PCGF3: variants seen among roughly 807,000 people sequenced by gnomAD.
PCGF3 encodes polycomb group ring finger 3.
PCGF3 carries 7 observed loss-of-function variants against 33.1 expected under a neutral mutation model. The observed-to-expected ratio is 0.21, with a 90% CI of 0.12 to 0.40. The LOEUF (loss-of-function observed/expected upper bound fraction) is 0.40, where lower values mean the gene tolerates loss of function less well. PCGF3 is among the 10% of genes least tolerant of loss of function. The pLI is 1.00. For synonymous variants in PCGF3, 153 were observed against 121.3 expected, an observed-to-expected ratio of 1.26 and a Z score of -1.72; for missense variants, 211 against 313.3, an observed-to-expected ratio of 0.67 and a Z score of 2.46.
intron 8 of PCGF3, among the ~76,000 whole-genome samples, chr4:750,287 T>G (rs749876225): frequency 1.3e-5 from 2 of 152,242 alleles, no homozygotes; most frequent in Non-Finnish European, 2.9e-5. Context: ...TTGGGTTCCA[T>G]CCACTCCTCT....
At chr4:760,215 C>A (rs1234708115) in intron 8 of PCGF3, among the ~76,000 whole-genome samples, 1 of 152,196 alleles carries the variant, frequency 6.6e-6, no homozygotes. Context: ...GACTGCCCTT[C>A]ACTGTTGTGG....
chr4:716,995 G>T (rs867186404), intron 1 of PCGF3, among the ~76,000 whole-genome samples: 171 of 60,656 alleles, frequency 2.8e-3, no homozygotes, highest in Admixed American at 7.6e-3. Flanking sequence ...AGACACTGAG[G>T]GTGAGAACTG....
At chr4:764,681 G>A (rs780718352) in intron 9 of PCGF3, 2 of 311,790 alleles carry the variant, frequency 6.4e-6, no homozygotes, top group Non-Finnish European at 1.2e-5. Flanking sequence ...CCACTGCAAG[G>A]AGCTTGTGCC....
intron 3 of PCGF3, among the ~76,000 whole-genome samples, chr4:733,425 C>G (rs898258410): frequency 2.6e-5 from 4 of 152,196 alleles, no homozygotes; most frequent in African/African-American, 7.2e-5. Context: ...GTGTTGGGCA[C>G]AGAGAGAAGC....
intron 7 of PCGF3, among the ~76,000 whole-genome samples, chr4:744,187 C>T (rs980617893): frequency 2.0e-5 from 3 of 152,176 alleles, no homozygotes; most frequent in Non-Finnish European, 2.9e-5. Flanking sequence ...CTGTCAGAAC[C>T]CTTTTACCTG....
rs180711823 is a variant in PCGF3, at chr4:736,167, C to T, written c.206+1140C>T. 4.0e-3 allele frequency among the ~76,000 whole-genome samples: 606 copies of T among 152,218 alleles called. 1 individual carries two copies. Among genetic ancestry groups the T allele is most frequent in the Non-Finnish European group, 6.4e-3 (436 of 68,014 alleles). ...GGTTCAAGTGATTCTCCTGCCTCAG[C>T]CTCCCGAGTAGCTGGAATTACAGGC... On this transcript the variant is annotated intron_variant, in intron 5 of 10. Transcript: ENST00000362003.
At chr4:730,226 G>A (rs1023678771) in intron 1 of PCGF3, among the ~76,000 whole-genome samples, 1 of 152,232 alleles carries the variant, frequency 6.6e-6, no homozygotes, top group Non-Finnish European at 1.5e-5. Flanking sequence ...TCTTGGCTGC[G>A]TCGTGGAGCC....
intron 1 of PCGF3, among the ~76,000 whole-genome samples, chr4:711,713 TC>T (rs933299561): frequency 2.0e-5 from 3 of 151,862 alleles, no homozygotes; most frequent in African/African-American, 7.3e-5. Context: ...CGCCTCGGCC[TC>T]CCAAAGTGCT....
chr4:739,447 C>T (rs1335969489), intron 6 of PCGF3, among the ~76,000 whole-genome samples: 2 of 152,358 alleles, frequency 1.3e-5, no homozygotes, highest in Non-Finnish European at 2.9e-5. Flanking sequence ...CTGCCTTGGC[C>T]TCCCAAAGTG....
intron 1 of PCGF3, among the ~76,000 whole-genome samples, chr4:728,485 G>C (rs576059662): frequency 6.6e-6 from 1 of 152,268 alleles, no homozygotes; most frequent in African/African-American, 2.4e-5. Context: ...GAGCGCGTTG[G>C]GGGGCAGCGT....
At chr4:765,741 G>A (rs1057198487) in intron 10 of PCGF3, among the ~76,000 whole-genome samples, 1 of 152,174 alleles carries the variant, frequency 6.6e-6, no homozygotes, top group African/African-American at 2.4e-5. Context: ...GGGAGAAGGG[G>A]GCAGGGGAGT....
chr4:736,529 T>C (rs111864507), intron 5 of PCGF3, among the ~76,000 whole-genome samples: 21,191 of 65,172 alleles, frequency 0.33, 2,314 homozygotes, highest in Middle Eastern at 0.37. Flanking sequence ...CCTGAGCGCA[T>C]AGGATGCAGG....
chr4:766,023 G>A lies in PCGF3; in HGVS notation c.682-9G>A. On this transcript the variant is annotated splice_polypyrimidine_tract_variant and intron_variant, in intron 10 of 10. Coordinates refer to ENST00000362003, the Ensembl canonical transcript of PCGF3. The stretch of plus-strand genomic sequence containing the variant: ...CTAAGCAGGCACTGTGCGTTCTTGT[G>A]TCTTCCAGAAGGCGCCGCTCCTGCT... 1 of 1,613,924 alleles carries A rather than the reference G, an allele frequency of 6.2e-7. No homozygotes were observed. The highest frequency in any genetic ancestry group is 8.5e-7 in the Non-Finnish European group (1 of 1,179,808).
Position 730,871 on chromosome 4 carries a change from C to T in PCGF3, c.-150-99C>T, listed in dbSNP as rs551656209. On this transcript the variant is annotated intron_variant, in intron 2 of 10. Coordinates refer to ENST00000362003, the Ensembl canonical transcript of PCGF3. ...GATTGACCCCATTCCGCCCTTTGCT[C>T]GGTAGGGCTTGGTTGCAAGTTCCAG... 80 of 396,666 alleles carry T rather than the reference C, an allele frequency of 2.0e-4. 1 individual carries two copies. In the East Asian group the frequency reaches 2.5e-3, roughly 12 times the overall value. The allele number at this position is 396,666 out of a possible 1,614,324, so 24.6% of individuals were successfully genotyped here. A position where few individuals can be genotyped will look rare whatever the true frequency, so the allele number is the denominator to read the frequency against.
Position 737,309 on chromosome 4 carries a change from C to G in PCGF3, c.207-157C>G, listed in dbSNP as rs900111194. ...ACGCGTTAATTCAGCTCATACATGG[C>G]TTTTGGTGACACATTTTTTCATGTG... On this transcript the variant is annotated intron_variant, in intron 5 of 10. Transcript: ENST00000362003. 1.6e-4 allele frequency among the ~76,000 whole-genome samples: 24 copies of G among 152,182 alleles called. 1 individual carries two copies. The highest frequency in any genetic ancestry group is 5.8e-4 in the African/African-American group (24 of 41,434).
chr4:741,901 C>T (rs1329141729), intron 6 of PCGF3, among the ~76,000 whole-genome samples: 1 of 152,200 alleles, frequency 6.6e-6, no homozygotes, highest in African/African-American at 2.4e-5. Flanking sequence ...GTTCCCGTCA[C>T]GGCTCTTCTG....
intron 8 of PCGF3, among the ~76,000 whole-genome samples, chr4:749,136 A>G (rs1251609535): frequency 3.3e-5 from 5 of 152,124 alleles, no homozygotes; most frequent in South Asian, 2.1e-4. Context: ...AAAAGGGCCA[A>G]TTTTTTTAAA....
intron 1 of PCGF3, among the ~76,000 whole-genome samples, chr4:715,973 A>C (rs75125924): frequency 8.9e-5 from 2 of 22,590 alleles, no homozygotes; most frequent in African/African-American, 1.6e-4. Context: ...TGGGACCCTG[A>C]AGACACTGAG....
intron 6 of PCGF3, among the ~76,000 whole-genome samples, chr4:741,184 A>G (rs1744075313): frequency 6.6e-6 from 1 of 152,190 alleles, no homozygotes; most frequent in Non-Finnish European, 1.5e-5. Flanking sequence ...AATATTCCCT[A>G]CTCACAGGAA....
Sources: gnomAD v4.1 joint callset for allele counts (sites outside exome capture counted in the v4.1 genomes callset) on GRCh38, gnomAD v4.1.1 for gene constraint, MANE v1.5 for transcripts, NCBI Gene and HGNC (gene_info 2026-07-23, HGNC 2026-07-21) for gene names.